Variants in TBXAS1 observed in about 807,000 individuals in gnomAD.
The protein encoded by TBXAS1 is thromboxane-A synthase.
TBXAS1 carries 48 observed loss-of-function variants against 60.7 expected under a neutral mutation model. The ratio of observed to expected loss-of-function variants is 0.79; its 90% confidence interval spans 0.63 to 1.01. The LOEUF (loss-of-function observed/expected upper bound fraction) is 1.01, where lower values mean the gene tolerates loss of function less well. Ranked by LOEUF, TBXAS1 falls within the 50% of genes least tolerant of loss-of-function variation. The probability of loss-of-function intolerance (pLI) is 0.00; values close to 1 mark genes in which losing one functional copy is unlikely to be tolerated. For synonymous variants in TBXAS1, 287 were observed against 269.7 expected (o/e 1.06, Z -0.63); for missense variants, 685 against 686.3 (o/e 1.00, Z 0.02).
intron 4 of TBXAS1, among the ~76,000 whole-genome samples, chr7:139,919,704 G>A (rs757332687): frequency 1.3e-5 from 2 of 152,196 alleles, no homozygotes; most frequent in East Asian, 1.9e-4. Context: ...CAGGCCAGTC[G>A]AGAATCACTG....
chr7:139,878,629 G>A (rs1802448393), intron 3 of TBXAS1, among the ~76,000 whole-genome samples: 1 of 152,104 alleles, frequency 6.6e-6, no homozygotes, highest in Admixed American at 6.6e-5. Context: ...TAAATCGAAT[G>A]TCTTTTCTAA....
intron 1 of TBXAS1, among the ~76,000 whole-genome samples, chr7:139,857,602 G>A (rs970939346): frequency 1.3e-5 from 2 of 152,070 alleles, no homozygotes; most frequent in Admixed American, 6.5e-5. Context: ...GTGTGTTTTC[G>A]GATGGTGGCA....
rs549493230 is a variant in TBXAS1, at chr7:139,846,586, G to C, written c.89+17107G>C. ...AAACTGCATAGACGCTGGGCAGCTA[G>C]ATCTTGGTTTTTATTTTGTTTATCT... On this transcript the variant is annotated intron_variant, in intron 1 of 12. Transcript: ENST00000448866. 6.6e-5 allele frequency among the ~76,000 whole-genome samples: 10 copies of C among 152,300 alleles called. No homozygotes were observed. In the South Asian group the frequency reaches 1.7e-3, roughly 25 times the overall value.
chr7:140,011,836 CTA>C (rs3831720), intron 10 of TBXAS1, among the ~76,000 whole-genome samples: 3 of 150,374 alleles, frequency 2.0e-5, no homozygotes, highest in Non-Finnish European at 1.5e-5. Flanking sequence ...ATTTTATGTT[CTA>C]TATATATATA....
intron 4 of TBXAS1, among the ~76,000 whole-genome samples, chr7:139,793,509 AAGACAG>A (rs1438867385): frequency 6.6e-6 from 1 of 152,204 alleles, no homozygotes; most frequent in Admixed American, 6.5e-5. Context: ...AGTGAAAGGC[AAGACAG>A]AGACCCAGAA....
intron 4 of TBXAS1, among the ~76,000 whole-genome samples, chr7:139,799,661 A>G (rs935674169): frequency 3.3e-5 from 5 of 152,124 alleles, no homozygotes; most frequent in Non-Finnish European, 7.4e-5. Context: ...CCAGCCCAAT[A>G]TGCTGCCAAA....
intron 5 of TBXAS1, among the ~76,000 whole-genome samples, chr7:139,946,793 G>A (rs1808759094): frequency 6.6e-6 from 1 of 152,090 alleles, no homozygotes; most frequent in Admixed American, 6.5e-5. Context: ...TTTCATTTTT[G>A]CAGATGAGGA....
chr7:140,008,260 C>T (rs556945883), intron 10 of TBXAS1, among the ~76,000 whole-genome samples: 5 of 152,062 alleles, frequency 3.3e-5, no homozygotes, highest in Admixed American at 1.3e-4. Context: ...CAGAAAATTC[C>T]GGTGGCGTGA....
intron 9 of TBXAS1, among the ~76,000 whole-genome samples, chr7:139,996,619 G>A (rs1422941590): frequency 1.3e-5 from 2 of 152,200 alleles, no homozygotes; most frequent in Non-Finnish European, 2.9e-5. Flanking sequence ...AATGAAACCA[G>A]GGAATCCCTT....
intron 3 of TBXAS1, among the ~76,000 whole-genome samples, chr7:139,897,188 A>G (rs1308443329): frequency 6.6e-6 from 1 of 152,294 alleles, no homozygotes; most frequent in East Asian, 1.9e-4. Flanking sequence ...AAAAATTACA[A>G]TTACTAGAGA....
intron 10 of TBXAS1, 62 bp from the exon 11 acceptor site, chr7:140,015,661 C>A: frequency 6.3e-7 from 1 of 1,591,334 alleles, no homozygotes; most frequent in Non-Finnish European, 8.6e-7. Flanking sequence ...CTGCCCAGCA[C>A]GCCCCAAGCT....
chr7:139,966,044 T>C (rs1291026927), intron 9 of TBXAS1, among the ~76,000 whole-genome samples: 2 of 152,214 alleles, frequency 1.3e-5, no homozygotes, highest in Non-Finnish European at 2.9e-5. Flanking sequence ...TTCCTGCTGG[T>C]TTCCATTCAA....
intron 4 of TBXAS1, among the ~76,000 whole-genome samples, chr7:139,790,283 G>A (rs1034438384): frequency 2.0e-5 from 3 of 152,192 alleles, no homozygotes; most frequent in Non-Finnish European, 4.4e-5. Flanking sequence ...TGGGTTTCAT[G>A]TTGAAACATT....
chr7:139,867,614 AG>A (rs1801517070), intron 1 of TBXAS1, among the ~76,000 whole-genome samples: 1 of 152,140 alleles, frequency 6.6e-6, no homozygotes, highest in Non-Finnish European at 1.5e-5. Flanking sequence ...TGAGGTCAGG[AG>A]TTCAAGACCA....
At chr7:140,015,105 G>A (rs995651109) in intron 10 of TBXAS1, among the ~76,000 whole-genome samples, 5 of 152,140 alleles carry the variant, frequency 3.3e-5, no homozygotes, top group African/African-American at 7.2e-5. Context: ...AAAGAAATGT[G>A]CAAGAGGAAG....
chr7:139,859,224 C>T (rs796854526), intron 1 of TBXAS1, among the ~76,000 whole-genome samples: 4 of 120,178 alleles, frequency 3.3e-5, no homozygotes, highest in African/African-American at 1.3e-4. Context: ...TTTTTTGAGA[C>T]GGAGTCTCAC....
At chr7:139,940,106 C>G (rs1408465829) in intron 5 of TBXAS1, among the ~76,000 whole-genome samples, 1 of 152,140 alleles carries the variant, frequency 6.6e-6, no homozygotes, top group Non-Finnish European at 1.5e-5. Context: ...CGTTAGCAAG[C>G]TTTATTAGGA....
At chr7:139,985,887 G>A (rs77268931) in intron 9 of TBXAS1, among the ~76,000 whole-genome samples, 7,020 of 152,278 alleles carry the variant, frequency 0.046, 201 homozygotes, top group African/African-American at 0.083. Flanking sequence ...CCCATAGTGT[G>A]TGGACCATCG....
At chr7:139,974,250 G>A (rs147656293) in intron 9 of TBXAS1, among the ~76,000 whole-genome samples, 74 of 152,148 alleles carry the variant, frequency 4.9e-4, no homozygotes, top group Non-Finnish European at 8.5e-4. Flanking sequence ...TAGATATCCC[G>A]GCCCCCAGTC....
Sources: allele counts gnomAD v4.1 joint callset (sites outside exome capture counted in the v4.1 genomes callset), GRCh38; gene constraint gnomAD v4.1.1; transcripts MANE v1.5; gene names NCBI Gene and HGNC (gene_info 2026-07-23, HGNC 2026-07-21).